GTF2IRD1: variants seen among roughly 807,000 people sequenced by gnomAD.
GTF2IRD1 encodes the protein general transcription factor II-I repeat domain-containing protein 1.
Under a neutral mutation model 113.2 loss-of-function variants are expected in GTF2IRD1, and 26 were observed. The ratio of observed to expected loss-of-function variants is 0.23; its 90% CI spans 0.17 to 0.32. GTF2IRD1 has a LOEUF of 0.32. Among genes scored for constraint, GTF2IRD1 ranks in the 10% least tolerant of loss-of-function variants. The pLI is 1.00. For missense variants in GTF2IRD1, 864 were observed against 1,280.8 expected (o/e 0.67, Z 4.97); for synonymous variants, 484 against 529.1 (o/e 0.91, Z 1.17).
chr7:74,454,286 CT>C (rs1792802660), intron 1 of GTF2IRD1, 110 bp downstream of exon 1: 1 of 151,760 alleles, frequency 6.6e-6, no homozygotes. Flanking sequence ...GCCCCTCCCC[CT>C]CTCAAGGTGT....
intron 8 of GTF2IRD1, among the ~76,000 whole-genome samples, chr7:74,525,019 A>C (rs1409180165): frequency 1.3e-5 from 2 of 152,170 alleles, no homozygotes; most frequent in African/African-American, 4.8e-5. Flanking sequence ...CCTGGGTGAC[A>C]GAGCGAGACC....
chr7:74,529,719 T>C lies in GTF2IRD1; in HGVS notation c.1091-15T>C. ...CTGTCTAACACTCAGCCTTGCTGTT[T>C]GGTTGTCTTTCCAGCGGAAGCCCTG... is the stretch of plus-strand genomic sequence containing the variant. On this transcript the variant is annotated splice_polypyrimidine_tract_variant and intron_variant, in intron 8 of 26. Transcript: ENST00000424337. 1.2e-6 allele frequency: 2 copies of C among 1,613,224 alleles called. No homozygotes were observed. Among genetic ancestry groups the C allele is most frequent in the Non-Finnish European group, 1.7e-6 (2 of 1,179,434 alleles).
chr7:74,536,320 T>C, intron 11 of GTF2IRD1, 45 bp downstream of exon 11: 1 of 1,220,538 alleles, frequency 8.2e-7, no homozygotes, highest in Non-Finnish European at 1.2e-6. Flanking sequence ...CCAGCCCTGC[T>C]CTGGGCTGAG....
intron 1 of GTF2IRD1, among the ~76,000 whole-genome samples, chr7:74,477,275 AATC>A (rs1554333717): frequency 6.6e-6 from 1 of 151,918 alleles, no homozygotes; most frequent in South Asian, 2.1e-4. Flanking sequence ...GAGTCAGGAG[AATC>A]ACTTGAACCT....
At chr7:74,592,544 T>G (rs587595598) in intron 24 of GTF2IRD1, among the ~76,000 whole-genome samples, 2 of 151,540 alleles carry the variant, frequency 1.3e-5, no homozygotes, top group Admixed American at 1.3e-4. Flanking sequence ...TCTTTCTTTT[T>G]TTTTTTTAAG....
intron 22 of GTF2IRD1, among the ~76,000 whole-genome samples, chr7:74,560,870 C>T (rs1562871437): frequency 6.6e-6 from 1 of 152,012 alleles, no homozygotes; most frequent in Non-Finnish European, 1.5e-5. Context: ...CATGAGCCAC[C>T]ACACCCGACC....
At chr7:74,599,007 C>A (rs138174441) in intron 25 of GTF2IRD1, among the ~76,000 whole-genome samples, 1,867 of 152,186 alleles carry the variant, frequency 0.012, 16 homozygotes, top group Non-Finnish European at 0.02. Flanking sequence ...TAAGACCCTT[C>A]CGGTGGGCTG....
intron 1 of GTF2IRD1, among the ~76,000 whole-genome samples, chr7:74,501,732 ACCT>A (rs781818199): frequency 1.7e-4 from 26 of 152,058 alleles, no homozygotes; most frequent in Non-Finnish European, 3.5e-4. Flanking sequence ...GCTCACTGCA[ACCT>A]CGACCTCCTG....
intron 8 of GTF2IRD1, among the ~76,000 whole-genome samples, chr7:74,527,219 T>C (rs1032767904): frequency 6.6e-6 from 1 of 152,326 alleles, no homozygotes; most frequent in African/African-American, 2.4e-5. Context: ...CCAGGAGCGG[T>C]GGCTCATGCC....
At chr7:74,526,315 A>AG (rs1232067253) in intron 8 of GTF2IRD1, among the ~76,000 whole-genome samples, 4 of 152,056 alleles carry the variant, frequency 2.6e-5, no homozygotes, top group African/African-American at 9.7e-5. Context: ...CCCTCTGGGG[A>AG]GCTGCGTGGG....
rs78153842 is a variant in GTF2IRD1, at chr7:74,469,517, G to C, written c.-7+15341G>C. Among the ~76,000 whole-genome samples the C allele has an allele frequency of 7.7e-3, 1,168 of 152,124 alleles. 12 individuals carry two copies. The highest frequency in any genetic ancestry group is 0.026 in the African/African-American group (1,084 of 41,486). On this transcript the variant is annotated intron_variant, in intron 1 of 26. Transcript: ENST00000424337. ...CTATTCTGGGCGTTTCTTGTAGATGGAATCATGTAATATGTGGTCTTTCGA... is the reference window on the plus strand; with the variant it reads ...CTATTCTGGGCGTTTCTTGTAGATGCAATCATGTAATATGTGGTCTTTCGA...
chr7:74,499,295 C>T (rs923661283), intron 1 of GTF2IRD1, among the ~76,000 whole-genome samples: 12 of 152,112 alleles, frequency 7.9e-5, no homozygotes, highest in Admixed American at 1.3e-4. Flanking sequence ...AATGGCCCGG[C>T]GGAGGTGTCC....
chr7:74,490,437 G>A (rs1211813000), intron 1 of GTF2IRD1, among the ~76,000 whole-genome samples: 1 of 152,038 alleles, frequency 6.6e-6, no homozygotes, highest in East Asian at 1.9e-4. Context: ...TGGTGGGGGA[G>A]GGCAGGAATC....
intron 1 of GTF2IRD1, among the ~76,000 whole-genome samples, chr7:74,470,808 G>A (rs1794036885): frequency 6.6e-6 from 1 of 152,040 alleles, no homozygotes; most frequent in Non-Finnish European, 1.5e-5. Flanking sequence ...TTCATATGTG[G>A]GGTTTTTTTT....
chr7:74,511,808 A>G (rs990288119), intron 2 of GTF2IRD1, among the ~76,000 whole-genome samples: 1 of 152,176 alleles, frequency 6.6e-6, no homozygotes, highest in African/African-American at 2.4e-5. Flanking sequence ...CAGGCTTCAC[A>G]GTCAGGGTTT....
chr7:74,565,894 G>A (rs1040661654), intron 22 of GTF2IRD1, among the ~76,000 whole-genome samples: 12 of 151,950 alleles, frequency 7.9e-5, no homozygotes, highest in Non-Finnish European at 1.8e-4. Flanking sequence ...TGAGGCAGGA[G>A]GGTCACTTGA....
In GTF2IRD1 at chr7:74,582,103, G is replaced by A. The variant is rs114920758; in HGVS notation, c.2321-7748G>A. On this transcript the variant is annotated intron_variant, in intron 22 of 26. Coordinates refer to ENST00000424337, the MANE Select transcript of GTF2IRD1 (RefSeq NM_005685.4). ...TCAGGGCTAACCAGGGTGCGTGGGCGAGCTGTCTCGGTTGCAGCGGGGGCC... is the reference window on the plus strand; with the variant it reads ...TCAGGGCTAACCAGGGTGCGTGGGCAAGCTGTCTCGGTTGCAGCGGGGGCC... Among the ~76,000 whole-genome samples the A allele has an allele frequency of 8.6e-3, 1,312 of 152,326 alleles. 26 individuals carry two copies. The highest frequency in any genetic ancestry group is 0.03 in the African/African-American group (1,244 of 41,582).
intron 6 of GTF2IRD1, among the ~76,000 whole-genome samples, chr7:74,520,116 A>C (rs1797189332): frequency 6.8e-6 from 1 of 147,996 alleles, no homozygotes; most frequent in Non-Finnish European, 1.5e-5. Flanking sequence ...AAAAAAAAAA[A>C]AAAGCACCAG....
At chr7:74,591,634 C>T (rs1390349850) in intron 24 of GTF2IRD1, among the ~76,000 whole-genome samples, 1 of 152,140 alleles carries the variant, frequency 6.6e-6, no homozygotes, top group Non-Finnish European at 1.5e-5. Context: ...CCCGCCTCAG[C>T]CTCCCAAAGT....
Sources: allele counts gnomAD v4.1 joint callset (sites outside exome capture counted in the v4.1 genomes callset), GRCh38; gene constraint gnomAD v4.1.1; transcripts MANE v1.5; gene names NCBI Gene and HGNC (gene_info 2026-07-23, HGNC 2026-07-21).